Variants in CUX1 observed in about 807,000 individuals in gnomAD.
CUX1 encodes cut like homeobox 1.
In CUX1, 31 loss-of-function variants were observed where a neutral mutation model predicts 158.8. That is an observed-to-expected ratio of 0.20 (90% CI 0.15 to 0.26). The LOEUF (loss-of-function observed/expected upper bound fraction) is 0.26. Ranked by LOEUF, CUX1 falls within the 10% of genes least tolerant of loss-of-function variation. The pLI, the probability that CUX1 is intolerant of heterozygous loss-of-function variation, is 1.00. For missense variants in CUX1, 1,589 were observed against 2,014.6 expected, an observed-to-expected ratio of 0.79 and a Z score of 4.04; for synonymous variants, 879 against 862.1, an observed-to-expected ratio of 1.02 and a Z score of -0.34.
chr7:102,018,570 C>G (rs1291763616), intron 2 of CUX1, among the ~76,000 whole-genome samples: 1 of 152,216 alleles, frequency 6.6e-6, no homozygotes, highest in Non-Finnish European at 1.5e-5. Flanking sequence ...GAGGCTCTGG[C>G]TGTCCTGTCT....
intron 20 of CUX1, among the ~76,000 whole-genome samples, chr7:102,225,438 T>C (rs1798249286): frequency 6.6e-6 from 1 of 152,122 alleles, no homozygotes; most frequent in Non-Finnish European, 1.5e-5. Flanking sequence ...TTAAGATAAA[T>C]GGTAAATTGA....
chr7:102,115,157 G>T, intron 7 of CUX1, 50 bp from the exon 8 acceptor site: 1 of 1,482,878 alleles, frequency 6.7e-7, no homozygotes, highest in Non-Finnish European at 9.4e-7. Context: ...ACCTGTGTAT[G>T]CATTCTTTTA....
intron 2 of CUX1, among the ~76,000 whole-genome samples, chr7:101,985,215 A>AT (rs1814127361): frequency 6.6e-6 from 1 of 152,132 alleles, no homozygotes; most frequent in Non-Finnish European, 1.5e-5. Flanking sequence ...TATACACGCT[A>AT]TAGTCTTGGC....
At chr7:102,187,725 G>T (rs546549306) in intron 11 of CUX1, among the ~76,000 whole-genome samples, 1 of 151,164 alleles carries the variant, frequency 6.6e-6, no homozygotes, top group African/African-American at 2.4e-5. Flanking sequence ...TAGCCAGGAT[G>T]GTCTCAATCT....
intron 3 of CUX1, among the ~76,000 whole-genome samples, chr7:102,030,385 C>T (rs1417475724): frequency 6.6e-6 from 1 of 151,974 alleles, no homozygotes; most frequent in Admixed American, 6.6e-5. Flanking sequence ...CCCCTCCCCG[C>T]CCACCACTTT....
chr7:101,873,548 A>G (rs2131482778), intron 1 of CUX1, among the ~76,000 whole-genome samples: 1 of 152,184 alleles, frequency 6.6e-6, no homozygotes, highest in Admixed American at 6.5e-5. Flanking sequence ...CTTATTTTAA[A>G]TATTGGGAGA....
chr7:101,816,831 CCCCCGGCCGG>C (rs1248640689), upstream of CUX1: 2 of 781,314 alleles, frequency 2.6e-6, no homozygotes, highest in Non-Finnish European at 1.5e-6. Context: ...GCGCTCGCTA[CCCCCGGCCGG>C]CCCCGGCCGC....
intron 2 of CUX1, among the ~76,000 whole-genome samples, chr7:101,936,605 G>T (rs1007050238): frequency 6.6e-6 from 1 of 152,162 alleles, no homozygotes; most frequent in Middle Eastern, 3.2e-3. Context: ...AGGAAAGCCC[G>T]GCGACCATCA....
intron 8 of CUX1, among the ~76,000 whole-genome samples, chr7:102,123,608 CA>C (rs1248618884): frequency 0.065 from 5,796 of 88,542 alleles, 343 homozygotes; most frequent in African/African-American, 0.2. Context: ...GACTCCGTCT[CA>C]AAAAAAAAAA....
intron 20 of CUX1, among the ~76,000 whole-genome samples, chr7:102,224,149 C>T (rs782440640): frequency 4.2e-4 from 64 of 152,274 alleles, no homozygotes; most frequent in Non-Finnish European, 2.5e-4. Flanking sequence ...TGTCTGTTGG[C>T]GAGTAAACTA....
chr7:102,104,287 G>A, intron 5 of CUX1, 49 bp from the exon 6 acceptor site: 1 of 1,551,618 alleles, frequency 6.4e-7, no homozygotes, highest in Non-Finnish European at 8.7e-7. Context: ...ACAGCCATAT[G>A]GAATTGTATG....
At chr7:102,180,594 T>G (rs1792926176) in intron 11 of CUX1, among the ~76,000 whole-genome samples, 1 of 151,788 alleles carries the variant, frequency 6.6e-6, no homozygotes, top group Non-Finnish European at 1.5e-5. Context: ...CAAAACACTT[T>G]GGGATTATAG....
rs1255043411 is a variant in CUX1, at chr7:102,195,412, G to C, written c.1126-95G>C. ...CAGATCGAGAGCTGGGTGGGAACGC[G>C]GACAGATGGAGGGAGGCAGGGCTCC... On this transcript the variant is annotated intron_variant, in intron 13 of 23. Transcript: ENST00000292535. 3 of 963,442 alleles carry C rather than the reference G, an allele frequency of 3.1e-6. No homozygotes were observed. The African/African-American group carries it at 4.8e-5, about 16-fold the overall frequency. The allele number at this position is 963,442 out of a possible 1,614,324, so 59.7% of individuals were successfully genotyped here.
rs1801709281 is a variant in CUX1 at position 102,253,238 on chromosome 7, TC to T, written c.*4197del. On this transcript the variant is annotated 3_prime_UTR_variant, in exon 24 of 24. Transcript: ENST00000292535. The stretch of plus-strand genomic sequence containing the variant: ...CAGAGCTCTGGGTTAAATATTCCTT[TC>T]TGGCCACCGCCCAAGCCCAGGTGGC... 2.0e-6 allele frequency: 2 copies of T among 985,398 alleles called. No individual in the cohort carries two copies. Among genetic ancestry groups the T allele is most frequent in the Non-Finnish European group, 2.4e-6 (2 of 830,014 alleles). The allele number at this position is 985,398 out of a possible 1,614,324, so 61.0% of individuals were successfully genotyped here.
intron 4 of CUX1, among the ~76,000 whole-genome samples, chr7:102,092,786 G>A (rs1056249306): frequency 1.1e-4 from 16 of 151,806 alleles, no homozygotes; most frequent in Admixed American, 7.2e-4. Context: ...GGTCGTGTGC[G>A]CCTGCAATCT....
intron 11 of CUX1, among the ~76,000 whole-genome samples, chr7:102,188,204 T>A (rs563593218): frequency 7.0e-4 from 103 of 147,318 alleles, no homozygotes; most frequent in East Asian, 2.0e-3. Flanking sequence ...GTCTCTTTTT[T>A]AAAAAAAAAA....
chr7:102,077,691 G>A (rs1826928736), intron 4 of CUX1, among the ~76,000 whole-genome samples: 1 of 152,064 alleles, frequency 6.6e-6, no homozygotes, highest in African/African-American at 2.4e-5. Context: ...AATGAGAAAT[G>A]TCTCTGCTCT....
intron 2 of CUX1, among the ~76,000 whole-genome samples, chr7:102,000,123 G>T (rs1816502642): frequency 6.6e-6 from 1 of 152,174 alleles, no homozygotes; most frequent in South Asian, 2.1e-4. Context: ...GGCTGAGGCA[G>T]GAGAATCCCT....
intron 4 of CUX1, among the ~76,000 whole-genome samples, chr7:102,095,203 T>C (rs1829052640): frequency 6.6e-6 from 1 of 151,978 alleles, no homozygotes; most frequent in African/African-American, 2.4e-5. Flanking sequence ...AGAGACAGGC[T>C]TTCACCATGT....
Sources: gnomAD v4.1 joint callset for allele counts (sites outside exome capture counted in the v4.1 genomes callset) on GRCh38, gnomAD v4.1.1 for gene constraint, MANE v1.5 for transcripts, NCBI Gene and HGNC (gene_info 2026-07-23, HGNC 2026-07-21) for gene names.